The following GPATCH2 variants were observed in gnomAD, a reference collection of about 807,000 sequenced individuals.
GPATCH2 encodes the protein G-patch domain containing 2.
In GPATCH2, 51 loss-of-function variants were observed where a neutral mutation model predicts 58.0. The ratio of observed to expected loss-of-function variants is 0.88; its 90% CI spans 0.70 to 1.11. The LOEUF is 1.11. Among genes scored for constraint, GPATCH2 ranks in the 50% most tolerant of loss-of-function variants. GPATCH2 has a pLI of 0.00. For missense variants in GPATCH2, 625 were observed against 652.2 expected (o/e 0.96, Z 0.45); for synonymous variants, 222 against 218.5 (o/e 1.02, Z -0.14).
At chr1:217,584,869 C>T (rs1363993265) in intron 5 of GPATCH2, among the ~76,000 whole-genome samples, 1 of 151,942 alleles carries the variant, frequency 6.6e-6, no homozygotes, top group Admixed American at 6.6e-5. Flanking sequence ...TAGACAATAA[C>T]ATGTTAGATT....
intron 5 of GPATCH2, among the ~76,000 whole-genome samples, chr1:217,536,821 A>G (rs967819050): frequency 6.6e-6 from 1 of 152,172 alleles, no homozygotes; most frequent in African/African-American, 2.4e-5. Flanking sequence ...CTGAAAAAAT[A>G]CAAAAATTAG....
At chr1:217,529,443 T>C (rs1664079339) in intron 5 of GPATCH2, among the ~76,000 whole-genome samples, 1 of 152,118 alleles carries the variant, frequency 6.6e-6, no homozygotes, top group Non-Finnish European at 1.5e-5. Flanking sequence ...AATGGATTAG[T>C]TCCCTCCAGA....
intron 5 of GPATCH2, among the ~76,000 whole-genome samples, chr1:217,524,070 CG>C (rs981639667): frequency 6.9e-6 from 1 of 145,550 alleles, no homozygotes; most frequent in African/African-American, 2.6e-5. Flanking sequence ...GCTGGCCAGG[CG>C]GGGGGCTGAC....
chr1:217,526,676 C>T (rs1272257966), intron 5 of GPATCH2, among the ~76,000 whole-genome samples: 1 of 152,140 alleles, frequency 6.6e-6, no homozygotes, highest in Non-Finnish European at 1.5e-5. Flanking sequence ...TTTTGAAATA[C>T]TTATTAGCTT....
At chr1:217,522,828 CA>C (rs1047706382) in intron 5 of GPATCH2, among the ~76,000 whole-genome samples, 1 of 137,036 alleles carries the variant, frequency 7.3e-6, no homozygotes, top group Non-Finnish European at 1.6e-5. Flanking sequence ...GGGACTTGTT[CA>C]ATACACACAC....
At chr1:217,523,131 A>T (rs987184930) in intron 5 of GPATCH2, among the ~76,000 whole-genome samples, 3 of 151,802 alleles carry the variant, frequency 2.0e-5, no homozygotes, top group Non-Finnish European at 4.4e-5. Context: ...AGGAAATGTC[A>T]ATTCAGTATT....
chr1:217,552,257 T>C (rs554429781), intron 5 of GPATCH2, among the ~76,000 whole-genome samples: 34 of 152,260 alleles, frequency 2.2e-4, no homozygotes, highest in African/African-American at 6.5e-4. Flanking sequence ...TCAACTAAAG[T>C]TCAGCCTTTA....
intron 5 of GPATCH2, among the ~76,000 whole-genome samples, chr1:217,553,081 G>A (rs971235454): frequency 4.0e-5 from 6 of 151,754 alleles, no homozygotes; most frequent in African/African-American, 1.5e-4. Flanking sequence ...TTTTCTTAAG[G>A]GGAAACACCA....
chr1:217,619,856 C>T lies in GPATCH2; in HGVS notation c.700G>A (p.Glu234Lys). 2.5e-6 allele frequency: 4 copies of T among 1,613,710 alleles called. No individual in the cohort carries two copies. Among genetic ancestry groups the T allele is most frequent in the Non-Finnish European group, 3.4e-6 (4 of 1,179,838 alleles). ...TTGTCCTTATTGGTCTGGTTCGTTT[C>T]CTCACTTTCTAAAACTACTCCTTCA... Reference protein sequence around the residue: ...QDEGVVLESEETNQTNKDKME... With the variant: ...QDEGVVLESEKTNQTNKDKME... Residue 234 changes from glutamate (E) to lysine (K), a missense_variant, in exon 2 of 10, where the codon GAA becomes AAA. By Grantham distance (56) the Glu-to-Lys change is moderately conservative. Transcript: ENST00000366935.
intron 8 of GPATCH2, among the ~76,000 whole-genome samples, chr1:217,466,040 C>G (rs1660433655): frequency 1.3e-5 from 2 of 152,076 alleles, no homozygotes; most frequent in Non-Finnish European, 2.9e-5. Flanking sequence ...AAACATGAGC[C>G]ATGGATTGCA....
chr1:217,460,572 G>C (rs1188876006), intron 8 of GPATCH2, among the ~76,000 whole-genome samples: 1 of 152,224 alleles, frequency 6.6e-6, no homozygotes, highest in South Asian at 2.1e-4. Context: ...AGATGTGCAC[G>C]TGACGTGCCA....
intron 5 of GPATCH2, among the ~76,000 whole-genome samples, chr1:217,604,705 G>A (rs1013244428): frequency 4.6e-5 from 7 of 152,150 alleles, no homozygotes; most frequent in East Asian, 1.9e-4. Flanking sequence ...ACTATCAAGC[G>A]CCCTTATGTA....
intron 5 of GPATCH2, among the ~76,000 whole-genome samples, chr1:217,591,088 T>C (rs1412847394): frequency 6.6e-6 from 1 of 152,150 alleles, no homozygotes; most frequent in Non-Finnish European, 1.5e-5. Flanking sequence ...CAAGATCATA[T>C]TAGAATTTGA....
intron 8 of GPATCH2, among the ~76,000 whole-genome samples, chr1:217,463,038 C>T (rs1250169067): frequency 6.6e-6 from 1 of 152,114 alleles, no homozygotes; most frequent in Non-Finnish European, 1.5e-5. Flanking sequence ...CCATAATTTC[C>T]CACAAAGGAA....
chr1:217,483,495 T>G (rs574053712), intron 8 of GPATCH2, among the ~76,000 whole-genome samples: 1 of 151,964 alleles, frequency 6.6e-6, no homozygotes, highest in African/African-American at 2.4e-5. Flanking sequence ...CCCCCATTGC[T>G]TTTTTTGGAG....
intron 8 of GPATCH2, among the ~76,000 whole-genome samples, chr1:217,461,502 C>G (rs2102488191): frequency 6.6e-6 from 1 of 152,272 alleles, no homozygotes; most frequent in South Asian, 2.1e-4. Context: ...TTTTCCTTAG[C>G]AGTTACATGC....
intron 5 of GPATCH2, among the ~76,000 whole-genome samples, chr1:217,561,130 T>C (rs1271701857): frequency 6.6e-6 from 1 of 152,218 alleles, no homozygotes; most frequent in Admixed American, 6.5e-5. Context: ...CTATACTATT[T>C]GTGCATTATT....
At chr1:217,619,236 GT>G (rs34351128) in intron 2 of GPATCH2, among the ~76,000 whole-genome samples, 20,952 of 152,058 alleles carry the variant, frequency 0.14, 1,601 homozygotes, top group Non-Finnish European at 0.18. Context: ...CAGGACCATT[GT>G]TTTTCCTATT....
intron 5 of GPATCH2, among the ~76,000 whole-genome samples, chr1:217,561,581 G>C: frequency 6.6e-6 from 1 of 152,054 alleles, no homozygotes; most frequent in East Asian, 1.9e-4. Flanking sequence ...ACTTTGATTT[G>C]TGCCAAGTTC....
Sources: allele counts gnomAD v4.1 joint callset (sites outside exome capture counted in the v4.1 genomes callset), GRCh38; gene constraint gnomAD v4.1.1; transcripts MANE v1.5; gene names NCBI Gene and HGNC (gene_info 2026-07-23, HGNC 2026-07-21).